Variants in PRKCZ observed in about 807,000 individuals in gnomAD.
The protein encoded by PRKCZ is protein kinase C zeta type.
PRKCZ carries 33 observed loss-of-function variants against 79.5 expected under a neutral mutation model. That is an observed-to-expected ratio of 0.41 (90% confidence interval 0.31 to 0.55). PRKCZ has a LOEUF of 0.55. Ranked by LOEUF, PRKCZ falls within the 20% of genes least tolerant of loss-of-function variation. The pLI is 0.19. For missense variants in PRKCZ, 578 were observed against 813.5 expected, an observed-to-expected ratio of 0.71 and a Z score of 3.52; for synonymous variants, 342 against 320.9, an observed-to-expected ratio of 1.07 and a Z score of -0.70.
At chr1:2,134,423 C>T (rs1388983902) in intron 4 of PRKCZ, among the ~76,000 whole-genome samples, 1 of 152,142 alleles carries the variant, frequency 6.6e-6, no homozygotes, top group South Asian at 2.1e-4. Flanking sequence ...TCCCATTGTA[C>T]GTTCCGTTTC....
At chr1:2,050,886 A>G (rs1463784252) in intron 1 of PRKCZ, 185 bp downstream of exon 1, 1 of 395,486 alleles carries the variant, frequency 2.5e-6, no homozygotes, top group Non-Finnish European at 4.4e-6. Flanking sequence ...CGTCGTGGAC[A>G]GCGCGGGCTC....
At position 2,146,081 on chromosome 1, in the gene PRKCZ, G is replaced by A. The variant is rs146487943; in HGVS notation, c.607G>A (p.Asp203Asn). ...AGTAGACGACAAGAACGAGGACGCC[G>A]ACCTTCCTTCCGAGGAGACAGATGG... ...PPVDDKNEDA[D>N]LPSEETDGIA... The change falls in exon 7 of 18, where the codon GAC becomes AAC. Residue 203 changes from aspartate (D) to asparagine (N), a missense_variant. Transcript: ENST00000378567. The A allele has an allele frequency of 4.3e-6, 7 of 1,614,046 alleles. No individual in the cohort carries two copies. Among genetic ancestry groups the A allele is most frequent in the African/African-American group, 2.7e-5 (2 of 75,038 alleles).
In PRKCZ at chr1:2,125,470, G is replaced by A. The variant is rs1010349898; in HGVS notation, c.335-9792G>A. On this transcript the variant is annotated intron_variant, in intron 4 of 17. Coordinates refer to ENST00000378567, the MANE Select transcript of PRKCZ (RefSeq NM_002744.6). The surrounding 1 kb of genome is among the most constrained non-coding windows in gnomAD (Gnocchi z 4.2). The stretch of plus-strand genomic sequence containing the variant: ...CAGCAGCATTTGAGGACGGTGGGGC[G>A]GAGGACATCCTGGGGGGCCTGGCTT... Among the ~76,000 whole-genome samples, 10 of 152,206 alleles carry A rather than the reference G, an allele frequency of 6.6e-5. No homozygotes were observed. The highest frequency in any genetic ancestry group is 5.9e-5 in the Non-Finnish European group (4 of 68,024).
At position 2,121,632 on chromosome 1, in the gene PRKCZ, ACAG is replaced by A. The variant is rs1557612465; in HGVS notation, c.335-13629_335-13627del. Among the ~76,000 whole-genome samples, 7 of 22,072 alleles carry A rather than the reference ACAG, an allele frequency of 3.2e-4. 1 individual carries two copies. The highest frequency in any genetic ancestry group is 1.2e-3 in the African/African-American group (7 of 6,060). 14.5% of individuals were successfully genotyped at this position (22,072 alleles called of 152,430 possible). On this transcript the variant is annotated intron_variant, in intron 4 of 17. Transcript: ENST00000378567. ...TAGGGTCATGGTGGTGGTTAGGGTC[ACAG>A]TGGTAGTTAGGGTCACGGTGGTGGT...
At chr1:2,116,352 C>T (rs1670765269) in intron 4 of PRKCZ, 1 of 152,208 alleles carries the variant, frequency 6.6e-6, no homozygotes, top group Non-Finnish European at 1.5e-5. Context: ...TGGGGACCCT[C>T]CTTTTAAAGG....
At chr1:2,052,887 G>A (rs984370831) in intron 1 of PRKCZ, among the ~76,000 whole-genome samples, 1 of 152,144 alleles carries the variant, frequency 6.6e-6, no homozygotes, top group South Asian at 2.1e-4. Context: ...CCCCCATGGG[G>A]CATGGCCACC....
At position 2,175,820 on chromosome 1, in the gene PRKCZ, G is replaced by A. The variant is rs187972845; in HGVS notation, c.1575+507G>A. The stretch of plus-strand genomic sequence containing the variant: ...GGGCCGGACGAGCTCGGCCCATGGC[G>A]CTTCCTGGCAACCCTCGACTGTGCT... On this transcript the variant is annotated intron_variant, in intron 16 of 17. Coordinates refer to ENST00000378567, the MANE Select transcript of PRKCZ (RefSeq NM_002744.6). Among the ~76,000 whole-genome samples, 6 of 152,258 alleles carry A rather than the reference G, an allele frequency of 3.9e-5. No homozygotes were observed. In the East Asian group the frequency reaches 9.8e-4, roughly 25 times the overall value.
chr1:2,155,066 C>A (rs147613607), intron 9 of PRKCZ, among the ~76,000 whole-genome samples: 49 of 152,314 alleles, frequency 3.2e-4, no homozygotes, highest in African/African-American at 1.2e-3. Context: ...CAGCATACAA[C>A]CAGAGCTGGT....
intron 4 of PRKCZ, among the ~76,000 whole-genome samples, chr1:2,112,132 C>CTAAA (rs1669863670): frequency 1.3e-5 from 2 of 152,234 alleles, no homozygotes; most frequent in South Asian, 4.1e-4. Context: ...AGCTTTTCCC[C>CTAAA]TCTCCTTCCT....
At position 2,173,753 on chromosome 1, in the gene PRKCZ, TG is replaced by T. The variant is rs1163920416; in HGVS notation, c.1286-142del. 1 of 1,210,130 alleles carries T rather than the reference TG, an allele frequency of 8.3e-7. No individual in the cohort carries two copies. Among genetic ancestry groups the T allele is most frequent in the African/African-American group, 1.6e-5 (1 of 63,840 alleles). The allele number at this position is 1,210,130 out of a possible 1,614,324, so 75.0% of individuals were successfully genotyped here. On this transcript the variant is annotated intron_variant, in intron 13 of 17. Transcript: ENST00000378567. The surrounding 1 kb of genome is among the most constrained non-coding windows in gnomAD (Gnocchi z 5.7). Reference sequence around the variant, plus strand: ...GGAGGTGCTGGTTCTGTTTGGGAAGTGGAAGTCACAGAGGCCTGTGTGCCGC... The same window carrying T: ...GGAGGTGCTGGTTCTGTTTGGGAAGTGAAGTCACAGAGGCCTGTGTGCCGC...
intron 4 of PRKCZ, among the ~76,000 whole-genome samples, chr1:2,089,394 T>A (rs1665094174): frequency 6.6e-6 from 1 of 152,148 alleles, no homozygotes; most frequent in African/African-American, 2.4e-5. Context: ...CGTCGGGGTC[T>A]GCGTTCATTT....
At chr1:2,155,142 T>C (rs1029111267) in intron 9 of PRKCZ, among the ~76,000 whole-genome samples, 1 of 151,822 alleles carries the variant, frequency 6.6e-6, no homozygotes, top group Non-Finnish European at 1.5e-5. Context: ...ACGATGATGG[T>C]GATGATGGTG....
chr1:2,078,491 C>T (rs1662856780), intron 4 of PRKCZ, among the ~76,000 whole-genome samples: 1 of 152,094 alleles, frequency 6.6e-6, no homozygotes, highest in Non-Finnish European at 1.5e-5. Flanking sequence ...AATCTTTTGT[C>T]TTCAGGGTTC....
At chr1:2,155,250 GTGA>G (rs1680731687) in intron 9 of PRKCZ, among the ~76,000 whole-genome samples, 3 of 151,876 alleles carry the variant, frequency 2.0e-5, no homozygotes, top group African/African-American at 7.3e-5. Flanking sequence ...GGTGGTGGTA[GTGA>G]TGACATTGAG....
At position 2,096,527 on chromosome 1, in the gene PRKCZ, C is replaced by T. The variant is rs549818295; in HGVS notation, c.334+36936C>T. Among the ~76,000 whole-genome samples, 17 of 152,208 alleles carry T rather than the reference C, an allele frequency of 1.1e-4. No homozygotes were observed. In the East Asian group the frequency reaches 2.1e-3, roughly 19 times the overall value. On this transcript the variant is annotated intron_variant, in intron 4 of 17. Transcript: ENST00000378567. ...GTAAAAACAGCGCCAAGCGTGTCCTCGGTGGGCGCTCAGAGGCGGTTGTGA... is the reference window on the plus strand; with the variant it reads ...GTAAAAACAGCGCCAAGCGTGTCCTTGGTGGGCGCTCAGAGGCGGTTGTGA...
rs139304792 is a variant in PRKCZ, at chr1:2,173,990, T to G, written c.1379T>G (p.Met460Arg). 1 of 1,612,180 alleles carries G rather than the reference T, an allele frequency of 6.2e-7. No individual in the cohort carries two copies. ...GACATCATCACCGACAACCCGGACA[T>G]GAACACAGAGGACTACCTTTTCCAA... The part of the protein sequence containing the change: ...PFDIITDNPD[M>R]NTEDYLFQVI... The change falls in exon 14 of 18, where the codon ATG (methionine) becomes AGG (arginine). Residue 460 changes from methionine to arginine, a missense_variant. By Grantham distance (91) the Met-to-Arg change is moderately conservative (BLOSUM62 -1). Around this residue, in one of 4 missense-constraint regions of PRKCZ, gnomAD observed 243 missense variants for 467.0 expected, o/e 0.52. Coordinates refer to ENST00000378567, the MANE Select transcript of PRKCZ (RefSeq NM_002744.6). This position sits in a 1 kb window ranked among gnomAD's most constrained non-coding sequence, Gnocchi z 5.7.
intron 9 of PRKCZ, among the ~76,000 whole-genome samples, chr1:2,152,529 C>G (rs983537830): frequency 1.3e-5 from 2 of 152,184 alleles, no homozygotes; most frequent in Non-Finnish European, 2.9e-5. Flanking sequence ...GAGACTCTGT[C>G]TTTAAAAAAT....
In PRKCZ at chr1:2,082,192, G is replaced by T. The variant is rs993113807; in HGVS notation, c.334+22601G>T. The T allele has an allele frequency of 2.9e-6, 1 of 349,434 alleles. No individual in the cohort carries two copies. The highest frequency in any genetic ancestry group is 5.6e-6 in the Non-Finnish European group (1 of 177,760). The allele number at this position is 349,434 out of a possible 1,614,324, so 21.6% of individuals were successfully genotyped here. On this transcript the variant is annotated intron_variant, in intron 4 of 17. Coordinates refer to ENST00000378567, the MANE Select transcript of PRKCZ (RefSeq NM_002744.6). The surrounding 1 kb of genome is among the most constrained non-coding windows in gnomAD (Gnocchi z 4.4). ...CGGGTTCTTTGCAGCCCTTGGCAGC[G>T]TCGCCCGCTCTGTCCCGCCTGTTGT...
At chr1:2,048,963 C>T (rs28449507), upstream of PRKCZ, among the ~76,000 whole-genome samples, 10,291 of 152,110 alleles carry the variant, frequency 0.068, 621 homozygotes, top group African/African-American at 0.16. Flanking sequence ...GTCAGGAGTT[C>T]GAGACCAGCC....
Sources: gnomAD v4.1 joint callset for allele counts (sites outside exome capture counted in the v4.1 genomes callset) on GRCh38, gnomAD v4.1.1 for gene constraint, gnomAD v4.1.1 regional missense constraint, Gnocchi (gnomAD v3.1) non-coding constraint, MANE v1.5 for transcripts, NCBI Gene and HGNC (gene_info 2026-07-23, HGNC 2026-07-21) for gene names.